SNX29: variants seen among roughly 807,000 people sequenced by gnomAD.
SNX29 encodes the protein sorting nexin-29.
A neutral mutation model predicts 102.1 loss-of-function variants in SNX29; 78 were observed. The ratio of observed to expected loss-of-function variants is 0.76; its 90% confidence interval spans 0.64 to 0.92. The LOEUF is 0.92. Among genes scored for constraint, SNX29 ranks in the 40% least tolerant of loss-of-function variants. The pLI is 0.00. For synonymous variants in SNX29, 580 were observed against 414.5 expected (o/e 1.40, Z -4.85); for missense variants, 1,280 against 1,061.7 (o/e 1.21, Z -2.86).
At chr16:12,363,205 C>T (rs1266539321) in intron 16 of SNX29, among the ~76,000 whole-genome samples, 2 of 152,220 alleles carry the variant, frequency 1.3e-5, no homozygotes, top group Admixed American at 6.5e-5. Context: ...TTGCCTCAGG[C>T]CTGCTTTGGT....
intron 20 of SNX29, among the ~76,000 whole-genome samples, chr16:12,551,704 G>C (rs1345256193): frequency 6.6e-6 from 1 of 152,170 alleles, no homozygotes; most frequent in Non-Finnish European, 1.5e-5. Flanking sequence ...CTTTCAGGTG[G>C]TGAGCCAACT....
chr16:12,513,327 C>T (rs62030402), intron 19 of SNX29, among the ~76,000 whole-genome samples: 23,674 of 147,840 alleles, frequency 0.16, 2,190 homozygotes, highest in African/African-American at 0.23. Flanking sequence ...CTCCCTTCCC[C>T]TGCCTGCCCT....
intron 11 of SNX29, among the ~76,000 whole-genome samples, chr16:12,095,750 A>T (rs372210552): frequency 6.6e-6 from 1 of 152,174 alleles, no homozygotes; most frequent in South Asian, 2.1e-4. Flanking sequence ...TGATAGAGTC[A>T]GGTGAGCCCA....
chr16:12,109,144 A>AAAAAAAAAG (rs2053398772), intron 11 of SNX29, among the ~76,000 whole-genome samples: 1 of 130,548 alleles, frequency 7.7e-6, no homozygotes, highest in Non-Finnish European at 1.6e-5. Context: ...AAAAAAAAAA[A>AAAAAAAAAG]AAAAAAAAAA....
At chr16:12,520,699 G>C (rs1368910437) in intron 19 of SNX29, among the ~76,000 whole-genome samples, 2 of 152,204 alleles carry the variant, frequency 1.3e-5, no homozygotes, top group African/African-American at 4.8e-5. Context: ...ACTCAGGAAT[G>C]GAAAACCGAA....
intron 15 of SNX29, among the ~76,000 whole-genome samples, chr16:12,292,027 G>A (rs1338778968): frequency 6.6e-6 from 1 of 152,208 alleles, no homozygotes; most frequent in Non-Finnish European, 1.5e-5. Flanking sequence ...CAAAAGAAGA[G>A]GGAAATTGGC....
intron 5 of SNX29, among the ~76,000 whole-genome samples, chr16:12,044,275 C>G (rs1483795251): frequency 2.0e-5 from 3 of 152,190 alleles, no homozygotes; most frequent in Non-Finnish European, 2.9e-5. Context: ...CCTGTGTTCC[C>G]TAGTTCAGGT....
At chr16:12,089,888 G>A (rs1383630020) in intron 11 of SNX29, 1 of 342,472 alleles carries the variant, frequency 2.9e-6, no homozygotes. Flanking sequence ...GCAGTGCTGA[G>A]GGCTCCCCTG....
At chr16:12,053,751 A>C (rs1011866762) in intron 8 of SNX29, among the ~76,000 whole-genome samples, 1 of 150,488 alleles carries the variant, frequency 6.6e-6, no homozygotes, top group Non-Finnish European at 1.5e-5. Context: ...TTGTACTAGT[A>C]GTGTTACCTT....
chr16:12,472,554 A>T (rs575654963), intron 18 of SNX29, among the ~76,000 whole-genome samples: 1 of 151,744 alleles, frequency 6.6e-6, no homozygotes, highest in African/African-American at 2.4e-5. Flanking sequence ...CAAAAAAAAA[A>T]AGAAAAAAAC....
intron 15 of SNX29, among the ~76,000 whole-genome samples, chr16:12,332,966 C>T (rs1567447771): frequency 1.3e-5 from 2 of 152,066 alleles, no homozygotes; most frequent in Non-Finnish European, 1.5e-5. Flanking sequence ...TGTGCATGTA[C>T]AGACGCTCCG....
rs189435710 is a variant in SNX29, at chr16:12,270,269, C to G, written c.1679-7664C>G. Among the ~76,000 whole-genome samples the G allele has an allele frequency of 3.1e-3, 469 of 152,340 alleles. 3 individuals are homozygous for G. Among genetic ancestry groups the G allele is most frequent in the Non-Finnish European group, 5.4e-3 (364 of 68,032 alleles). ...GTTTGTATTTATTGTTTAGGTTTGACTTTCAGAATTCAGTCACAATTGATT... is the reference window on the plus strand; with the variant it reads ...GTTTGTATTTATTGTTTAGGTTTGAGTTTCAGAATTCAGTCACAATTGATT... On this transcript the variant is annotated intron_variant, in intron 14 of 20. Coordinates refer to ENST00000566228, the MANE Select transcript of SNX29 (RefSeq NM_032167.5).
At chr16:12,286,888 G>T (rs1342505944) in intron 15 of SNX29, among the ~76,000 whole-genome samples, 1 of 152,000 alleles carries the variant, frequency 6.6e-6, no homozygotes, top group East Asian at 1.9e-4. Flanking sequence ...AAAGATAAGA[G>T]GTCTTTTAAA....
intron 13 of SNX29, among the ~76,000 whole-genome samples, chr16:12,142,780 C>T (rs374246372): frequency 9.9e-5 from 15 of 151,986 alleles, no homozygotes; most frequent in South Asian, 4.2e-4. Context: ...CCAGGCTGAT[C>T]TCAAACTCCT....
At position 12,571,853 on chromosome 16, in the gene SNX29, T is replaced by A. The variant is rs1159712433; in HGVS notation, c.*3224T>A. On this transcript the variant is annotated 3_prime_UTR_variant, in exon 21 of 21. Transcript: ENST00000566228. Reference sequence around the variant, plus strand: ...ACTTAGCAGTATGCTCCAATCACGTTGCTGGCAAGGCATTTTAGAGTTTGG... The same window carrying A: ...ACTTAGCAGTATGCTCCAATCACGTAGCTGGCAAGGCATTTTAGAGTTTGG... The A allele has an allele frequency of 2.8e-6, 3 of 1,059,662 alleles. No homozygotes were observed. Among genetic ancestry groups the A allele is most frequent in the Non-Finnish European group, 3.4e-6 (3 of 875,308 alleles). The allele number at this position is 1,059,662 out of a possible 1,614,324, so 65.6% of individuals were successfully genotyped here.
At chr16:12,507,659 T>C (rs573450599) in intron 19 of SNX29, among the ~76,000 whole-genome samples, 2 of 152,216 alleles carry the variant, frequency 1.3e-5, no homozygotes, top group Admixed American at 1.3e-4. Context: ...GGACTGAAGC[T>C]GGAATGATTC....
chr16:12,006,158 C>T (rs773274692), intron 3 of SNX29, among the ~76,000 whole-genome samples: 19 of 151,170 alleles, frequency 1.3e-4, no homozygotes, highest in African/African-American at 4.4e-4. Context: ...GAGCTATGAT[C>T]GTGCCATTGC....
chr16:12,498,412 T>G (rs554430977), intron 19 of SNX29, among the ~76,000 whole-genome samples: 1 of 144,854 alleles, frequency 6.9e-6, no homozygotes, highest in East Asian at 2.2e-4. Context: ...AAAAAAAAAA[T>G]GCTTGCTTGG....
At chr16:12,315,157 G>C (rs1378400281) in intron 15 of SNX29, among the ~76,000 whole-genome samples, 1 of 152,184 alleles carries the variant, frequency 6.6e-6, no homozygotes, top group East Asian at 1.9e-4. Flanking sequence ...TAGAACCCCT[G>C]GTGACTGTGA....
Sources: allele counts gnomAD v4.1 joint callset (sites outside exome capture counted in the v4.1 genomes callset), GRCh38; gene constraint gnomAD v4.1.1; transcripts MANE v1.5; gene names NCBI Gene and HGNC (gene_info 2026-07-23, HGNC 2026-07-21).